CIT: variants seen among roughly 807,000 people sequenced by gnomAD.
CIT encodes the protein citron Rho-interacting kinase.
CIT carries 79 observed loss-of-function variants against 272.7 expected under a neutral mutation model. The observed-to-expected ratio is 0.29, with a 90% CI of 0.24 to 0.35. The LOEUF (loss-of-function observed/expected upper bound fraction) is 0.35. Among genes scored for constraint, CIT ranks in the 10% least tolerant of loss-of-function variants. The probability of loss-of-function intolerance (pLI) is 1.00; values close to 1 mark genes in which losing one functional copy is unlikely to be tolerated. For synonymous variants in CIT, 948 were observed against 995.6 expected (o/e 0.95, Z 0.90); for missense variants, 1,909 against 2,618.3 (o/e 0.73, Z 5.91).
chr12:119,845,886 A>G (rs1969767989), intron 5 of CIT, among the ~76,000 whole-genome samples: 1 of 151,404 alleles, frequency 6.6e-6, no homozygotes, highest in Non-Finnish European at 1.5e-5. Context: ...GGTTGCAGTG[A>G]GCCGAGAACA....
At chr12:119,812,701 A>G (rs377876) in intron 9 of CIT, among the ~76,000 whole-genome samples, 106,898 of 150,698 alleles carry the variant, frequency 0.71, 38,303 homozygotes, top group East Asian at 0.84. Context: ...CTCTCACCTC[A>G]GCCTCTCAAA....
chr12:119,730,655 T>C lies in CIT; in HGVS notation c.3351-25A>G, dbSNP rs200277675. On this transcript the variant is annotated intron_variant, in intron 26 of 47. Transcript: ENST00000392521. ...CCTGCCAGAAAGACACAGGTCAGCT[T>C]TTGGTAGCCCCCCAACAGCTGACCT... 1.2e-4 allele frequency: 190 copies of C among 1,607,584 alleles called. 1 individual carries two copies. The highest frequency in any genetic ancestry group is 1.8e-4 in the Middle Eastern group (1 of 5,706).
intron 10 of CIT, among the ~76,000 whole-genome samples, chr12:119,800,770 C>A (rs1966124998): frequency 6.6e-6 from 1 of 152,214 alleles, no homozygotes; most frequent in Non-Finnish European, 1.5e-5. Flanking sequence ...GAAAATGTCT[C>A]CCCCTCTCTC....
intron 44 of CIT, among the ~76,000 whole-genome samples, chr12:119,698,781 T>C (rs1203053213): frequency 2.0e-5 from 3 of 152,246 alleles, no homozygotes; most frequent in East Asian, 1.9e-4. Flanking sequence ...AAAGAATATA[T>C]ATATTTTATG....
At chr12:119,796,224 G>A (rs78602653) in intron 10 of CIT, among the ~76,000 whole-genome samples, 2,128 of 152,260 alleles carry the variant, frequency 0.014, 45 homozygotes, top group African/African-American at 0.048. Flanking sequence ...GGTGTAAGCC[G>A]GTGAATGACA....
chr12:119,834,363 T>C (rs1315663884), intron 5 of CIT, 135 bp from the exon 6 acceptor site: 3 of 731,082 alleles, frequency 4.1e-6, no homozygotes, highest in Non-Finnish European at 6.6e-6. Flanking sequence ...TAAGGCACGC[T>C]GTAAGTCATG....
At chr12:119,707,663 A>G (rs1012008261) in intron 40 of CIT, among the ~76,000 whole-genome samples, 1 of 151,790 alleles carries the variant, frequency 6.6e-6, no homozygotes, top group African/African-American at 2.4e-5. Flanking sequence ...CACCGTGCCC[A>G]GCTAATTTTT....
intron 22 of CIT, among the ~76,000 whole-genome samples, chr12:119,756,255 C>T (rs2137453023): frequency 6.6e-6 from 1 of 152,236 alleles, no homozygotes; most frequent in Non-Finnish European, 1.5e-5. Flanking sequence ...AAGAATTGGA[C>T]AAAACGCACA....
In CIT at chr12:119,791,387, T is replaced by A. The variant is rs148821801; in HGVS notation, c.1296-6322A>T. 1.8e-3 allele frequency among the ~76,000 whole-genome samples: 273 copies of A among 152,236 alleles called. 3 individuals are homozygous for A. The highest frequency in any genetic ancestry group is 0.014 in the Middle Eastern group (4 of 294). ...TACCCAAGAACATCCACATGCCAGG[T>A]TGGTTCACAGCCACCCCAGGGAAAG... On this transcript the variant is annotated intron_variant, in intron 10 of 47. Transcript: ENST00000392521.
intron 40 of CIT, among the ~76,000 whole-genome samples, chr12:119,707,676 AT>A (rs1197328097): frequency 6.6e-6 from 1 of 151,828 alleles, no homozygotes; most frequent in Non-Finnish European, 1.5e-5. Flanking sequence ...TAATTTTTGT[AT>A]TTTTAGTAGA....
intron 16 of CIT, among the ~76,000 whole-genome samples, chr12:119,773,324 C>T (rs1033955328): frequency 1.3e-5 from 2 of 152,186 alleles, no homozygotes; most frequent in African/African-American, 2.4e-5. Context: ...GTATTTGCCT[C>T]TAAGCATTAA....
chr12:119,825,942 C>G (rs1234624035), intron 7 of CIT, among the ~76,000 whole-genome samples: 1 of 152,098 alleles, frequency 6.6e-6, no homozygotes, highest in Non-Finnish European at 1.5e-5. Flanking sequence ...GTGGTGCACA[C>G]CTGTGGTCCC....
At chr12:119,716,378 CAAAAAAAAAAAAA>C (rs35690078) in intron 32 of CIT, among the ~76,000 whole-genome samples, 37 of 17,790 alleles carry the variant, frequency 2.1e-3, no homozygotes, top group African/African-American at 3.3e-3. Context: ...GACTCTGTCT[CAAAAAAAAAAAAA>C]AAAAAAAAAA....
chr12:119,704,174 G>A (rs1309588003), intron 41 of CIT, among the ~76,000 whole-genome samples, 189 bp downstream of exon 41: 1 of 152,166 alleles, frequency 6.6e-6, no homozygotes, highest in East Asian at 1.9e-4. Flanking sequence ...GCAGCTACTA[G>A]TGGCCCTGGG....
chr12:119,783,352 C>T (rs1050184822), intron 12 of CIT: 2 of 152,158 alleles, frequency 1.3e-5, no homozygotes, highest in Non-Finnish European at 2.9e-5. Context: ...TTAAAAAACA[C>T]CTGAATGAAA....
chr12:119,846,888 TA>T (rs1048891294), intron 5 of CIT, among the ~76,000 whole-genome samples: 227 of 135,088 alleles, frequency 1.7e-3, no homozygotes, highest in Admixed American at 1.6e-3. Context: ...CATCATCACT[TA>T]AAAAAAAAAA....
At chr12:119,736,601 G>T (rs576966778) in intron 24 of CIT, among the ~76,000 whole-genome samples, 1 of 152,326 alleles carries the variant, frequency 6.6e-6, no homozygotes, top group African/African-American at 2.4e-5. Context: ...AGCTACAAGA[G>T]GGGGAATAAA....
intron 12 of CIT, chr12:119,783,437 T>G (rs948226681): frequency 6.5e-6 from 1 of 152,692 alleles, no homozygotes; most frequent in South Asian, 2.1e-4. Flanking sequence ...ACATGGTAAA[T>G]AATGACAGAG....
At chr12:119,794,944 A>G (rs1351464535) in intron 10 of CIT, among the ~76,000 whole-genome samples, 1 of 152,254 alleles carries the variant, frequency 6.6e-6, no homozygotes, top group Non-Finnish European at 1.5e-5. Context: ...TTGAGGCTGA[A>G]AGCAGTGAAA....
Sources: gnomAD v4.1 joint callset for allele counts (sites outside exome capture counted in the v4.1 genomes callset) on GRCh38, gnomAD v4.1.1 for gene constraint, MANE v1.5 for transcripts, NCBI Gene and HGNC (gene_info 2026-07-23, HGNC 2026-07-21) for gene names.